The following RELB variants were observed in gnomAD, a reference collection of about 807,000 sequenced individuals.
RELB encodes the protein transcription factor RelB.
Under a neutral mutation model 55.4 loss-of-function variants are expected in RELB, and 14 were observed. The ratio of observed to expected loss-of-function variants is 0.25; its 90% CI spans 0.17 to 0.40. The LOEUF (loss-of-function observed/expected upper bound fraction) is 0.40. Among genes scored for constraint, RELB ranks in the 10% least tolerant of loss-of-function variants. The probability of loss-of-function intolerance (pLI) is 1.00; values close to 1 mark genes in which losing one functional copy is unlikely to be tolerated. For missense variants in RELB, 669 were observed against 830.7 expected, an observed-to-expected ratio of 0.81 and a Z score of 2.39; for synonymous variants, 409 against 371.3, an observed-to-expected ratio of 1.10 and a Z score of -1.17.
Position 45,037,553 on chromosome 19 carries a change from G to C in RELB, c.1503G>C (p.Met501Ile), listed in dbSNP as rs752814364. Residue 501 changes from methionine (M) to isoleucine (I), a missense_variant, in exon 12 of 12, where the codon ATG (methionine) becomes ATC (isoleucine). Physicochemically the swap from Met to Ile is conservative, Grantham distance 10 (BLOSUM62 1). Transcript: ENST00000221452. ...YDPTAPTLFT[M>I]LDLLPPAPPH... Reference sequence around the variant, plus strand: ...CTACGGCCCCCACACTCTTCACCATGCTGGACCTGCTGCCCCCGGCACCGC... The same window carrying C: ...CTACGGCCCCCACACTCTTCACCATCCTGGACCTGCTGCCCCCGGCACCGC... The C allele has an allele frequency of 1.9e-6, 3 of 1,612,994 alleles. No homozygotes were observed. Among genetic ancestry groups the C allele is most frequent in the South Asian group, 1.1e-5 (1 of 91,066 alleles).
At chr19:45,033,771 G>T (rs566018889) in intron 9 of RELB, among the ~76,000 whole-genome samples, 11 of 150,460 alleles carry the variant, frequency 7.3e-5, no homozygotes, top group Admixed American at 1.3e-4. Context: ...TCGGACTCCT[G>T]ACCTCAGGTG....
At chr19:45,014,466 G>A (rs563684273) in intron 4 of RELB, among the ~76,000 whole-genome samples, 42 of 150,440 alleles carry the variant, frequency 2.8e-4, no homozygotes, top group African/African-American at 8.3e-4. Context: ...CCACCGCACC[G>A]GCCTAATTTC....
At chr19:45,003,915 G>GT (rs1039624578) in intron 2 of RELB, among the ~76,000 whole-genome samples, 25,921 of 62,912 alleles carry the variant, frequency 0.41, 10,745 homozygotes, top group Non-Finnish European at 0.53. Flanking sequence ...TGTTTTTTGT[G>GT]TTTTTTTTTT....
intron 4 of RELB, among the ~76,000 whole-genome samples, chr19:45,020,057 C>T (rs571568570): frequency 6.6e-6 from 1 of 151,988 alleles, no homozygotes; most frequent in South Asian, 2.1e-4. Flanking sequence ...TGTGCGCAGC[C>T]CTTCTCTCCT....
chr19:45,001,541 C>CCAGA lies in RELB; in HGVS notation c.-37_-34dup. ...CGCTCGTCCGACCCGCGATCGTCCA[C>CCAGA]CAGACCGTGCCTCCCGGCCGCCCGG... On this transcript the variant is annotated 5_prime_UTR_variant, in exon 1 of 12. Coordinates refer to ENST00000221452, the MANE Select transcript of RELB (RefSeq NM_006509.4). The CCAGA allele has an allele frequency of 7.8e-7, 1 of 1,276,962 alleles. No homozygotes were observed. Among genetic ancestry groups the CCAGA allele is most frequent in the Non-Finnish European group, 1.0e-6 (1 of 965,588 alleles). The allele number at this position is 1,276,962 out of a possible 1,614,324, so 79.1% of individuals were successfully genotyped here.
At position 45,001,518 on chromosome 19, in the gene RELB, C is replaced by T. The variant is rs1971208239; in HGVS notation, c.-62C>T. ...GCCTGCGGCCCCAGCCCTTGCGCCGCTCGTCCGACCCGCGATCGTCCACCA... is the reference window on the plus strand; with the variant it reads ...GCCTGCGGCCCCAGCCCTTGCGCCGTTCGTCCGACCCGCGATCGTCCACCA... On this transcript the variant is annotated 5_prime_UTR_variant, in exon 1 of 12. Coordinates refer to ENST00000221452, the MANE Select transcript of RELB (RefSeq NM_006509.4). 1 of 957,054 alleles carries T rather than the reference C, an allele frequency of 1.0e-6. No homozygotes were observed. The highest frequency in any genetic ancestry group is 1.4e-6 in the Non-Finnish European group (1 of 718,062). The allele number at this position is 957,054 out of a possible 1,614,324, so 59.3% of individuals were successfully genotyped here. A position where few individuals can be genotyped will look rare whatever the true frequency, so the allele number is the denominator to read the frequency against.
chr19:45,003,671 C>A, intron 2 of RELB: 1 of 503,838 alleles, frequency 2.0e-6, no homozygotes, highest in Non-Finnish European at 3.9e-6. Context: ...CCAGTTCAGG[C>A]CTCAGTTTTC....
In RELB at chr19:45,025,040, G is replaced by A. The variant is rs35484798; in HGVS notation, c.663-289G>A. Among the ~76,000 whole-genome samples the A allele has an allele frequency of 4.9e-3, 751 of 151,974 alleles. 4 individuals are homozygous for A. Among genetic ancestry groups the A allele is most frequent in the African/African-American group, 0.017 (697 of 41,440 alleles). On this transcript the variant is annotated intron_variant, in intron 5 of 11. Coordinates refer to ENST00000221452, the MANE Select transcript of RELB (RefSeq NM_006509.4). ...ATGTCTGCTAATTTTTGTATTTTTA[G>A]TAGAGACAGGGTTTCACCATGTTGG...
chr19:45,020,772 T>C (rs1474735838), intron 4 of RELB, among the ~76,000 whole-genome samples: 2 of 150,518 alleles, frequency 1.3e-5, no homozygotes, highest in East Asian at 4.0e-4. Flanking sequence ...TTAGCCAGGA[T>C]GGTCTCGATC....
intron 6 of RELB, 31 bp downstream of exon 6, chr19:45,025,451 C>T (rs200605782): frequency 1.1e-4 from 176 of 1,591,184 alleles, no homozygotes; most frequent in Admixed American, 1.4e-4. Context: ...CTGACCATCC[C>T]GTCCTCCCAA....
chr19:45,004,016 C>T (rs1356500131), intron 2 of RELB, among the ~76,000 whole-genome samples: 3 of 145,118 alleles, frequency 2.1e-5, no homozygotes, highest in South Asian at 4.5e-4. Context: ...CTCCACCTCC[C>T]GGGTTCAGCA....
intron 4 of RELB, among the ~76,000 whole-genome samples, chr19:45,021,435 C>T (rs1365020070): frequency 5.7e-5 from 7 of 122,926 alleles, no homozygotes; most frequent in African/African-American, 1.3e-4. Flanking sequence ...CCAGCCTGGG[C>T]GACAGAGCGA....
At chr19:45,020,778 C>T (rs11881833) in intron 4 of RELB, among the ~76,000 whole-genome samples, 98,267 of 150,892 alleles carry the variant, frequency 0.65, 32,076 homozygotes, top group East Asian at 0.8. Context: ...AGGATGGTCT[C>T]GATCTCCTGA....
intron 3 of RELB, among the ~76,000 whole-genome samples, chr19:45,010,069 G>A (rs1486961147): frequency 6.6e-6 from 1 of 152,034 alleles, no homozygotes; most frequent in Non-Finnish European, 1.5e-5. Context: ...GGAGGCAGAG[G>A]CAGGAGGACT....
At chr19:45,017,631 A>T (rs1415186145) in intron 4 of RELB, among the ~76,000 whole-genome samples, 1 of 150,638 alleles carries the variant, frequency 6.6e-6, no homozygotes, top group Non-Finnish European at 1.5e-5. Flanking sequence ...CACATACTTA[A>T]TGTATACATT....
At chr19:45,030,439 A>T (rs1311463766) in intron 8 of RELB, among the ~76,000 whole-genome samples, 1 of 152,092 alleles carries the variant, frequency 6.6e-6, no homozygotes, top group Non-Finnish European at 1.5e-5. Flanking sequence ...CAAAACCAGC[A>T]TGGCCAACAT....
In RELB at chr19:45,004,935, C is replaced by G. The variant is rs570251614; in HGVS notation, c.154+1939C>G. On this transcript the variant is annotated intron_variant, in intron 2 of 11. Transcript: ENST00000221452. ...CTGTGATCCCAGCACTTTGGGAGGT[C>G]GAGACAGGCAGATCACAAGGTCAGG... Among the ~76,000 whole-genome samples, 3 of 151,784 alleles carry G rather than the reference C, an allele frequency of 2.0e-5. No homozygotes were observed. In the East Asian group the frequency reaches 5.9e-4, roughly 30 times the overall value.
At position 45,022,187 on chromosome 19, in the gene RELB, G is replaced by A; in HGVS notation, c.639G>A (p.Arg213=). The A allele has an allele frequency of 1.2e-6, 2 of 1,606,706 alleles. No homozygotes were observed. The highest frequency in any genetic ancestry group is 1.1e-5 in the South Asian group (1 of 90,788). Residue 213 remains arginine (R), a synonymous_variant, in exon 5 of 12, where the codon CGG becomes CGA. Transcript: ENST00000221452. ...CTDGICRVRL[R]PHVSPRHSFN... is the part of the protein sequence containing the mutation. ...ACGGCATCTGCAGGGTGCGGCTCCGGCCTCACGTCAGCCCCCGGCACAGGT... is the reference window on the plus strand; with the variant it reads ...ACGGCATCTGCAGGGTGCGGCTCCGACCTCACGTCAGCCCCCGGCACAGGT...
intron 11 of RELB, among the ~76,000 whole-genome samples, chr19:45,035,242 C>G (rs905794235): frequency 6.6e-6 from 1 of 152,022 alleles, no homozygotes; most frequent in Non-Finnish European, 1.5e-5. Flanking sequence ...TCTGTAGGGA[C>G]TGAAAGTGGC....
Sources: gnomAD v4.1 joint callset for allele counts (sites outside exome capture counted in the v4.1 genomes callset) on GRCh38, gnomAD v4.1.1 for gene constraint, MANE v1.5 for transcripts, NCBI Gene and HGNC (gene_info 2026-07-23, HGNC 2026-07-21) for gene names.